The following ZC3HAV1 variants were observed in gnomAD, a reference collection of about 807,000 sequenced individuals.
The protein encoded by ZC3HAV1 is zinc finger CCCH-type antiviral protein 1.
ZC3HAV1 carries 41 observed loss-of-function variants against 86.6 expected under a neutral mutation model. That is an observed-to-expected ratio of 0.47 (90% CI 0.37 to 0.61). The LOEUF (loss-of-function observed/expected upper bound fraction) is 0.61. Ranked by LOEUF, ZC3HAV1 falls within the 20% of genes least tolerant of loss-of-function variation. The pLI is 0.00. For missense variants in ZC3HAV1, 964 were observed against 1,141.1 expected (o/e 0.84, Z 2.24); for synonymous variants, 421 against 432.1 (o/e 0.97, Z 0.32).
chr7:139,053,509 G>C lies in ZC3HAV1; in HGVS notation c.2391C>G (p.Ile797Met). The C allele has an allele frequency of 6.2e-7, 1 of 1,605,048 alleles. No homozygotes were observed. Among genetic ancestry groups the C allele is most frequent in the Non-Finnish European group, 8.5e-7 (1 of 1,177,346 alleles). Reference sequence around the variant, plus strand: ...GGAAACTGTCAAAATTATTCGAACAGATAGATTCCACATAGGCACGGCTTG... The same window carrying C: ...GGAAACTGTCAAAATTATTCGAACACATAGATTCCACATAGGCACGGCTTG... ...YATSRAYVES[I>M]CSNNFDSFLH... The change falls in exon 12 of 13, where the codon ATC becomes ATG. Residue 797 changes from isoleucine to methionine, a missense_variant. Transcript: ENST00000242351.
At chr7:139,061,354 GA>G (rs1816438026) in intron 8 of ZC3HAV1, among the ~76,000 whole-genome samples, 1 of 152,220 alleles carries the variant, frequency 6.6e-6, no homozygotes, top group Admixed American at 6.5e-5. Context: ...AGGAGTGAAT[GA>G]ATATTCAGGA....
chr7:139,078,233 C>T (rs554467038), intron 5 of ZC3HAV1, among the ~76,000 whole-genome samples: 65 of 151,980 alleles, frequency 4.3e-4, no homozygotes, highest in African/African-American at 1.2e-3. Flanking sequence ...AGTGAGACTC[C>T]GTCTCAAAAC....
In ZC3HAV1 at chr7:139,077,510, C is replaced by T. The variant is rs113336419; in HGVS notation, c.1573+1042G>A. 5.8e-3 allele frequency among the ~76,000 whole-genome samples: 879 copies of T among 152,344 alleles called. 9 individuals carry two copies. Among genetic ancestry groups the T allele is most frequent in the African/African-American group, 0.02 (843 of 41,584 alleles). On this transcript the variant is annotated intron_variant, in intron 5 of 12. Transcript: ENST00000242351. ...CCACCTGCCTCAGCCTCCCAAAGTT[C>T]TGGGATTACAGGCGTAAGCCACCAT... is the stretch of plus-strand genomic sequence containing the variant.
intron 2 of ZC3HAV1, among the ~76,000 whole-genome samples, chr7:139,087,267 G>A (rs959373449): frequency 1.6e-4 from 25 of 152,188 alleles, no homozygotes; most frequent in African/African-American, 5.6e-4. Context: ...CATTTTTCCC[G>A]TGCTGGTAGT....
chr7:139,046,120 G>T lies in ZC3HAV1; in HGVS notation c.*1474C>A, dbSNP rs866486427. 6.6e-6 allele frequency: 1 copy of T among 151,984 alleles called. No individual in the cohort carries two copies. The highest frequency in any genetic ancestry group is 2.4e-5 in the African/African-American group (1 of 41,386). The allele number at this position is 151,984 out of a possible 1,614,324, so 9.4% of individuals were successfully genotyped here. On this transcript the variant is annotated 3_prime_UTR_variant, in exon 13 of 13. Coordinates refer to ENST00000242351, the MANE Select transcript of ZC3HAV1 (RefSeq NM_020119.4). ...AGGGAAAATCAGAAGGAAAAACCTG[G>T]TTCATAAGAAGGAAGGAAATATTGG... is the stretch of plus-strand genomic sequence containing the variant.
chr7:139,094,670 C>G (rs1233244378), intron 1 of ZC3HAV1, among the ~76,000 whole-genome samples: 1 of 152,160 alleles, frequency 6.6e-6, no homozygotes, highest in Non-Finnish European at 1.5e-5. Context: ...ACCACGGGTG[C>G]AGTCTAAACA....
Position 139,046,737 on chromosome 7 carries a change from C to CA in ZC3HAV1, c.*856_*857insT, listed in dbSNP as rs1554438741. 6.6e-6 allele frequency: 1 copy of CA among 152,100 alleles called. No homozygotes were observed. The highest frequency in any genetic ancestry group is 1.5e-5 in the Non-Finnish European group (1 of 68,060). The allele number at this position is 152,100 out of a possible 1,614,324, so 9.4% of individuals were successfully genotyped here. ...TGTCTGCAATAGCACTTCAATTTTACTTTTTTTTCCCCTAGCATGTCCTTA... is the reference window on the plus strand; with the variant it reads ...TGTCTGCAATAGCACTTCAATTTTACATTTTTTTTCCCCTAGCATGTCCTTA... On this transcript the variant is annotated 3_prime_UTR_variant, in exon 13 of 13. Coordinates refer to ENST00000242351, the MANE Select transcript of ZC3HAV1 (RefSeq NM_020119.4).
At position 139,049,283 on chromosome 7, in the gene ZC3HAV1, C is replaced by T. The variant is rs766252079; in HGVS notation, c.2450-1430G>A. The stretch of plus-strand genomic sequence containing the variant: ...TCCCACCTCAGCCTCCCATTCTAAT[C>T]GGTGCGAGGCAACAGCTCATTGTGG... On this transcript the variant is annotated intron_variant, in intron 12 of 12. Transcript: ENST00000242351. 1.6e-4 allele frequency among the ~76,000 whole-genome samples: 24 copies of T among 151,812 alleles called. 1 individual carries two copies. The highest frequency in any genetic ancestry group is 2.1e-4 in the South Asian group (1 of 4,808).
intron 1 of ZC3HAV1, among the ~76,000 whole-genome samples, chr7:139,104,766 G>C (rs141343772): frequency 6.7e-6 from 1 of 149,100 alleles, no homozygotes; most frequent in Non-Finnish European, 1.5e-5. Flanking sequence ...GGCCGGGAGC[G>C]GTGGCTCATG....
Position 139,097,412 on chromosome 7 carries a change from A to ATT in ZC3HAV1, c.309-7654_309-7653insAA, listed in dbSNP as rs1387959860. Among the ~76,000 whole-genome samples, 230 of 74,326 alleles carry ATT rather than the reference A, an allele frequency of 3.1e-3. 6 individuals are homozygous for ATT. The highest frequency in any genetic ancestry group is 4.5e-3 in the Non-Finnish European group (188 of 42,194). The allele number at this position is 74,326 out of a possible 152,430, so 48.8% of individuals were successfully genotyped here. On this transcript the variant is annotated intron_variant, in intron 1 of 12. Coordinates refer to ENST00000242351, the MANE Select transcript of ZC3HAV1 (RefSeq NM_020119.4). The stretch of plus-strand genomic sequence containing the variant: ...AAATATTGGAACTCCATATATATAT[A>ATT]TATATATATATATATATTTTTTTTT...
chr7:139,076,638 T>C (rs1212041370), intron 5 of ZC3HAV1, among the ~76,000 whole-genome samples: 1 of 152,088 alleles, frequency 6.6e-6, no homozygotes, highest in Admixed American at 6.6e-5. Flanking sequence ...ACATCTGTAA[T>C]CCCACCACTC....
rs780093930 is a variant in ZC3HAV1, at chr7:139,089,727, G to C, written c.341C>G (p.Ser114Ter). The change falls in exon 2 of 13, where the codon TCA (serine) becomes TGA (stop). Residue 114 changes from serine (S) to a stop codon, truncating the protein, a stop_gained. Transcript: ENST00000242351. LOFTEE classifies it high-confidence loss of function. ...NLCKYSHEVL[S>*]EENFKVLKNH... ...TTTCAGGACTTTGAAGTTCTCTTCT[G>C]AGAGAACCTCATGAGAATATTTGCA... is the stretch of plus-strand genomic sequence containing the variant. 5.0e-6 allele frequency: 8 copies of C among 1,612,580 alleles called. No individual in the cohort carries two copies. The highest frequency in any genetic ancestry group is 6.8e-6 in the Non-Finnish European group (8 of 1,179,482).
chr7:139,060,776 A>G lies in ZC3HAV1; in HGVS notation c.2096+260T>C, dbSNP rs536690812. ...CAATCCAGCTCTTCACAGCTGGAGA[A>G]GCTAAAGCCCAGAGTATTTAGGAGA... On this transcript the variant is annotated intron_variant, in intron 9 of 12. Coordinates refer to ENST00000242351, the MANE Select transcript of ZC3HAV1 (RefSeq NM_020119.4). 63 of 1,331,788 alleles carry G rather than the reference A, an allele frequency of 4.7e-5. No individual in the cohort carries two copies. The African/African-American group carries it at 8.8e-4, about 19-fold the overall frequency. The allele number at this position is 1,331,788 out of a possible 1,614,324, so 82.5% of individuals were successfully genotyped here. A position where few individuals can be genotyped will look rare whatever the true frequency, so the allele number is the denominator to read the frequency against.
chr7:139,091,048 T>C (rs1419502026), intron 1 of ZC3HAV1, among the ~76,000 whole-genome samples: 3 of 152,152 alleles, frequency 2.0e-5, no homozygotes, highest in Non-Finnish European at 4.4e-5. Flanking sequence ...CTGGCACTCC[T>C]TGATAAGGTC....
rs1416301794 is a variant in ZC3HAV1, at chr7:139,064,887, C to T, written c.1985G>A (p.Ser662Asn). The change falls in exon 8 of 13, where the codon AGT (serine) becomes AAT (asparagine). Residue 662 changes from serine (S) to asparagine (N), a missense_variant. Physicochemically the swap from Ser to Asn is conservative, Grantham distance 46 (BLOSUM62 1). Coordinates refer to ENST00000242351, the MANE Select transcript of ZC3HAV1 (RefSeq NM_020119.4). ...FQAGSRNYEL[S>N]FQGMIQTNIA... ...CAAACACAGAAACCCACCTTGGAAA[C>T]TCAGCTCATAGTTCCGTGAGCCCGC... 1 of 1,614,136 alleles carries T rather than the reference C, an allele frequency of 6.2e-7. No individual in the cohort carries two copies. The highest frequency in any genetic ancestry group is 1.7e-5 in the Admixed American group (1 of 60,026).
rs755570429 is a variant in ZC3HAV1, at chr7:139,089,773, C to T, written c.309-14G>A. 2.5e-5 allele frequency: 40 copies of T among 1,601,496 alleles called. No individual in the cohort carries two copies. Among genetic ancestry groups the T allele is most frequent in the Non-Finnish European group, 3.0e-5 (35 of 1,175,754 alleles). ...TTGCATAAATTCCTGGAAGAAAACA[C>T]GACAATGGTCAGTATTTCTACTACA... On this transcript the variant is annotated splice_polypyrimidine_tract_variant and intron_variant, in intron 1 of 12. Transcript: ENST00000242351.
rs908401744 is a variant in ZC3HAV1 at position 139,082,893 on chromosome 7, G to A, written c.697+887C>T. Among the ~76,000 whole-genome samples the A allele has an allele frequency of 2.0e-5, 3 of 151,912 alleles. No individual in the cohort carries two copies. In the East Asian group the frequency reaches 5.8e-4, roughly 29 times the overall value. On this transcript the variant is annotated intron_variant, in intron 3 of 12. Coordinates refer to ENST00000242351, the MANE Select transcript of ZC3HAV1 (RefSeq NM_020119.4). ...AATATTGGTTTTTTTTTAAAGAAATGGCACTGAGGACCATAAATTAAATTA... is the reference window on the plus strand; with the variant it reads ...AATATTGGTTTTTTTTTAAAGAAATAGCACTGAGGACCATAAATTAAATTA...
chr7:139,079,542 G>A lies in ZC3HAV1; in HGVS notation c.1399C>T (p.Pro467Ser). The A allele has an allele frequency of 6.2e-7, 1 of 1,614,154 alleles. No individual in the cohort carries two copies. The highest frequency in any genetic ancestry group is 1.3e-5 in the African/African-American group (1 of 75,032). The change falls in exon 4 of 13, where the codon CCT (proline) becomes TCT (serine). Residue 467 changes from proline to serine, a missense_variant. Pro to Ser is a moderately conservative substitution (Grantham distance 74). Transcript: ENST00000242351. ...ISSPRIQDAG[P>S]ASRDVQATGR... ...GTGGCCTGGACATCTCGGGAAGCAG[G>A]TCCAGCATCCTGAATCCTAGGTGAT...
chr7:139,092,551 C>T (rs974907646), intron 1 of ZC3HAV1, among the ~76,000 whole-genome samples: 2 of 152,236 alleles, frequency 1.3e-5, no homozygotes, highest in South Asian at 4.1e-4. Context: ...AGAATTGTTC[C>T]TGTCCTGTCC....
Sources: allele counts gnomAD v4.1 joint callset (sites outside exome capture counted in the v4.1 genomes callset), GRCh38; gene constraint gnomAD v4.1.1; transcripts MANE v1.5; gene names NCBI Gene and HGNC (gene_info 2026-07-23, HGNC 2026-07-21).